VCAN: variants seen among roughly 807,000 people sequenced by gnomAD.
VCAN encodes versican core protein.
VCAN carries 44 observed loss-of-function variants against 245.5 expected under a neutral mutation model. The ratio of observed to expected loss-of-function variants is 0.18; its 90% CI spans 0.14 to 0.23. The LOEUF is 0.23. Ranked by LOEUF, VCAN falls within the 10% of genes least tolerant of loss-of-function variation. VCAN has a pLI of 1.00. For missense variants in VCAN, 3,793 were observed against 4,057.9 expected (o/e 0.93, Z 1.77); for synonymous variants, 1,413 against 1,437.0 (o/e 0.98, Z 0.38).
intron 1 of VCAN, among the ~76,000 whole-genome samples, chr5:83,477,833 T>C (rs1253967332): frequency 6.6e-6 from 1 of 152,070 alleles, no homozygotes; most frequent in Non-Finnish European, 1.5e-5. Context: ...AGTTTTAAAA[T>C]TATAGAAAAA....
At chr5:83,503,656 T>G (rs1745398666) in intron 5 of VCAN, among the ~76,000 whole-genome samples, 1 of 152,176 alleles carries the variant, frequency 6.6e-6, no homozygotes, top group Non-Finnish European at 1.5e-5. Context: ...AGAAGAAACA[T>G]AATCATGTAT....
intron 12 of VCAN, chr5:83,562,259 T>C (rs544838677): frequency 5.1e-4 from 77 of 152,300 alleles, no homozygotes; most frequent in African/African-American, 1.9e-3. Flanking sequence ...GTGGAAGAAT[T>C]CTCAGATTCC....
At chr5:83,536,886 T>C in intron 7 of VCAN, 121 bp from the exon 8 acceptor site, 1 of 796,952 alleles carries the variant, frequency 1.3e-6, no homozygotes, top group African/African-American at 1.7e-5. Flanking sequence ...ATTGCACTTA[T>C]TATGAAAAGA....
rs143232652 is a variant in VCAN, at chr5:83,511,293, A to G, written c.749-810A>G. On this transcript the variant is annotated intron_variant, in intron 5 of 14. Transcript: ENST00000265077. ...TCTCTTGAACCTAGTTAAAGCCCCT[A>G]CTAGCACTTGGGGTGTCTTTGTAAG... Among the ~76,000 whole-genome samples, 524 of 152,054 alleles carry G rather than the reference A, an allele frequency of 3.4e-3. 2 individuals are homozygous for G. Among genetic ancestry groups the G allele is most frequent in the African/African-American group, 0.012 (503 of 41,504 alleles).
rs1370897749 is a variant in VCAN at position 83,541,507 on chromosome 5, G to C, written c.8504G>C (p.Ser2835Thr). The change falls in exon 8 of 15, where the codon AGT becomes ACT. Residue 2835 changes from serine to threonine, a missense_variant. By Grantham distance (58) the Ser-to-Thr change is moderately conservative (BLOSUM62 1). Around this residue, in one of 5 missense-constraint regions of VCAN, gnomAD observed 3,182 missense variants for 3,250.3 expected, o/e 0.98. Coordinates refer to ENST00000265077, the MANE Select transcript of VCAN (RefSeq NM_004385.5). ...TCTCCCCTCACTATCTACTCAGGCA[G>C]TGAAGCCTCTGGACACACAGAGATC... ...PSSPLTIYSG[S>T]EASGHTEIPQ... The C allele has an allele frequency of 1.2e-6, 2 of 1,613,874 alleles. No homozygotes were observed. The highest frequency in any genetic ancestry group is 1.7e-6 in the Non-Finnish European group (2 of 1,180,004).
intron 7 of VCAN, among the ~76,000 whole-genome samples, chr5:83,522,856 A>G (rs369353110): frequency 6.6e-6 from 1 of 152,184 alleles, no homozygotes; most frequent in African/African-American, 2.4e-5. Flanking sequence ...TTTAATGTAA[A>G]TGCAACATAT....
chr5:83,490,006 C>T (rs559650801), intron 2 of VCAN, 92 bp from the exon 3 acceptor site: 1 of 1,390,872 alleles, frequency 7.2e-7, no homozygotes, highest in East Asian at 2.4e-5. Flanking sequence ...TGTAACCAAA[C>T]TATTATAAAG....
chr5:83,484,646 G>C (rs1415044396), intron 2 of VCAN, among the ~76,000 whole-genome samples: 1 of 151,998 alleles, frequency 6.6e-6, no homozygotes, highest in African/African-American at 2.4e-5. Flanking sequence ...ATTATTCTGG[G>C]TGTCTGGGAA....
intron 3 of VCAN, 105 bp downstream of exon 3, chr5:83,490,577 C>T (rs560598514): frequency 1.4e-4 from 213 of 1,504,682 alleles, no homozygotes; most frequent in African/African-American, 4.1e-4. Flanking sequence ...TTTGGATGAG[C>T]GGAAAAACAC....
At chr5:83,535,873 A>C (rs1746687657) in intron 7 of VCAN, 1 of 152,028 alleles carries the variant, frequency 6.6e-6, no homozygotes, top group African/African-American at 2.4e-5. Flanking sequence ...GTAGTGTGTA[A>C]ATTCTTTGTC....
At chr5:83,526,650 C>T (rs984182245) in intron 7 of VCAN, among the ~76,000 whole-genome samples, 1 of 152,204 alleles carries the variant, frequency 6.6e-6, no homozygotes, top group African/African-American at 2.4e-5. Context: ...AAAAATTGGT[C>T]TGATTATCTA....
intron 12 of VCAN, among the ~76,000 whole-genome samples, chr5:83,570,403 A>T (rs969916844): frequency 6.6e-6 from 1 of 152,212 alleles, no homozygotes; most frequent in Non-Finnish European, 1.5e-5. Context: ...AGGACTTTAA[A>T]GTAAAGCTAA....
chr5:83,508,772 T>C (rs1745557230), intron 5 of VCAN, among the ~76,000 whole-genome samples: 1 of 152,230 alleles, frequency 6.6e-6, no homozygotes, highest in Admixed American at 6.5e-5. Context: ...TTCATCTGAA[T>C]TACAAGAAAC....
chr5:83,494,995 A>G (rs1486487496), intron 5 of VCAN, among the ~76,000 whole-genome samples: 5 of 152,184 alleles, frequency 3.3e-5, no homozygotes, highest in Non-Finnish European at 7.3e-5. Context: ...ATACATAAAT[A>G]TAAGTAAAAT....
At chr5:83,543,058 G>A (rs1474805895) in intron 8 of VCAN, among the ~76,000 whole-genome samples, 2 of 152,318 alleles carry the variant, frequency 1.3e-5, no homozygotes, top group East Asian at 3.9e-4. Flanking sequence ...TGTGGTAAAA[G>A]TAGGATTTGA....
chr5:83,483,109 G>T (rs1340637058), intron 1 of VCAN, among the ~76,000 whole-genome samples: 1 of 152,090 alleles, frequency 6.6e-6, no homozygotes, highest in Non-Finnish European at 1.5e-5. Context: ...TTTATGATCA[G>T]CTGTCTGTTT....
chr5:83,548,219 A>G, intron 10 of VCAN, 135 bp downstream of exon 10: 1 of 735,134 alleles, frequency 1.4e-6, no homozygotes, highest in Non-Finnish European at 2.4e-6. Flanking sequence ...AGCTCAAAAC[A>G]TCTGAATCAT....
At chr5:83,514,404 T>G (rs1745772398) in intron 6 of VCAN, among the ~76,000 whole-genome samples, 1 of 151,796 alleles carries the variant, frequency 6.6e-6, no homozygotes, top group South Asian at 2.1e-4. Flanking sequence ...TCTAATTTAT[T>G]TTTCAAAAAA....
In VCAN at chr5:83,538,451, G is replaced by T; in HGVS notation, c.5448G>T (p.Gly1816=). The change falls in exon 8 of 15, where the codon GGG becomes GGT. Residue 1816 remains glycine (G), a synonymous_variant. Transcript: ENST00000265077. The part of the protein sequence containing the change: ...TTEHSSIHQP[G]VQEGLTTLPR... The stretch of plus-strand genomic sequence containing the variant: ...AGCACAGCAGTATCCATCAACCTGG[G>T]GTTCAGGAAGGGCTGACCACTCTCC... 6.2e-7 allele frequency: 1 copy of T among 1,613,938 alleles called. No homozygotes were observed. Among genetic ancestry groups the T allele is most frequent in the Non-Finnish European group, 8.5e-7 (1 of 1,179,944 alleles).
Sources: allele counts gnomAD v4.1 joint callset (sites outside exome capture counted in the v4.1 genomes callset), GRCh38; gene constraint gnomAD v4.1.1; regional missense constraint gnomAD v4.1.1; transcripts MANE v1.5; gene names NCBI Gene and HGNC (gene_info 2026-07-23, HGNC 2026-07-21).